Variants in GCKR observed in about 807,000 individuals in gnomAD.
GCKR encodes the protein glucokinase regulator.
A neutral mutation model predicts 82.9 loss-of-function variants in GCKR; 73 were observed. The ratio of observed to expected loss-of-function variants is 0.88; its 90% confidence interval spans 0.73 to 1.07. GCKR has a LOEUF of 1.07. Among genes scored for constraint, GCKR ranks in the 50% least tolerant of loss-of-function variants. The pLI, the probability that GCKR is intolerant of heterozygous loss-of-function variation, is 0.00. For missense variants in GCKR, 784 were observed against 782.1 expected, an observed-to-expected ratio of 1.00 and a Z score of -0.03; for synonymous variants, 294 against 291.8, an observed-to-expected ratio of 1.01 and a Z score of -0.08.
At chr2:27,513,627 T>A (rs907455513) in intron 16 of GCKR, among the ~76,000 whole-genome samples, 1 of 151,928 alleles carries the variant, frequency 6.6e-6, no homozygotes, top group Admixed American at 6.5e-5. Context: ...GACTCATGAA[T>A]TTTTTGTTGT....
intron 9 of GCKR, among the ~76,000 whole-genome samples, chr2:27,504,843 T>C (rs1669673303): frequency 6.6e-6 from 1 of 151,704 alleles, no homozygotes; most frequent in African/African-American, 2.4e-5. Flanking sequence ...ACACACTCTC[T>C]GGTCTGGGTG....
Position 27,507,664 on chromosome 2 carries a change from ATCT to A in GCKR, c.1144-10_1144-8del, listed in dbSNP as rs773832806. The A allele has an allele frequency of 1.2e-4, 172 of 1,430,092 alleles. 1 individual carries two copies. The highest frequency in any genetic ancestry group is 1.6e-4 in the Non-Finnish European group (159 of 1,013,156). 88.6% of individuals were successfully genotyped at this position (1,430,092 alleles called of 1,614,324 possible). A position where few individuals can be genotyped will look rare whatever the true frequency, so the allele number is the denominator to read the frequency against. ...GTGTTTTCATGGGAGGGACCCTCCC[ATCT>A]TCTTCTGCCCCAGGGTCCCCAGTTC... On this transcript the variant is annotated splice_polypyrimidine_tract_variant and intron_variant, in intron 13 of 18. Coordinates refer to ENST00000264717, the MANE Select transcript of GCKR (RefSeq NM_001486.4).
At position 27,513,864 on chromosome 2, in the gene GCKR, G is replaced by C. The variant is rs1280622324; in HGVS notation, c.1423-4924G>C. Among the ~76,000 whole-genome samples the C allele has an allele frequency of 2.0e-5, 3 of 151,780 alleles. No individual in the cohort carries two copies. The East Asian group carries it at 5.8e-4, about 29-fold the overall frequency. On this transcript the variant is annotated intron_variant, in intron 16 of 18. Transcript: ENST00000264717. ...TTAAGATATTCTGAAAATCACTGCAGTGCAGTTTATAGATCTCTTCCTCAT... is the reference window on the plus strand; with the variant it reads ...TTAAGATATTCTGAAAATCACTGCACTGCAGTTTATAGATCTCTTCCTCAT...
At position 27,508,171 on chromosome 2, in the gene GCKR, C is replaced by T. The variant is rs867376847; in HGVS notation, c.1342C>T (p.Pro448Ser). The change falls in exon 16 of 19, where the codon CCT (proline) becomes TCT (serine). Residue 448 changes from proline to serine, a missense_variant. By Grantham distance (74) the Pro-to-Ser change is moderately conservative. Coordinates refer to ENST00000264717, the MANE Select transcript of GCKR (RefSeq NM_001486.4). ...HSTVGQTLLI[P>S]LKKLFPSIIS... ...GCTCCTCTTTCTCTCTCTCCAGATC[C>T]CTCTGAAGAAGCTCTTTCCCTCCAT... 6.2e-7 allele frequency: 1 copy of T among 1,607,018 alleles called. No individual in the cohort carries two copies. The highest frequency in any genetic ancestry group is 8.5e-7 in the Non-Finnish European group (1 of 1,173,550).
intron 4 of GCKR, 131 bp downstream of exon 4, chr2:27,498,454 T>A (rs1669478526): frequency 1.4e-6 from 1 of 717,912 alleles, no homozygotes; most frequent in Admixed American, 2.3e-5. Flanking sequence ...TGGCTCTTTC[T>A]CTCTTCCAAA....
At chr2:27,506,422 A>G in intron 10 of GCKR, 59 bp from the exon 11 acceptor site, 1 of 1,117,242 alleles carries the variant, frequency 9.0e-7, no homozygotes, top group South Asian at 1.2e-5. Context: ...TCAGGGAGGC[A>G]CCTAAGCTTT....
intron 17 of GCKR, among the ~76,000 whole-genome samples, chr2:27,521,531 C>T (rs1290145634): frequency 2.1e-5 from 3 of 141,520 alleles, no homozygotes; most frequent in Non-Finnish European, 3.0e-5. Context: ...TTAGTAGAGA[C>T]GGGATTTCAC....
At chr2:27,520,452 T>G (rs1670122939) in intron 17 of GCKR, among the ~76,000 whole-genome samples, 1 of 152,074 alleles carries the variant, frequency 6.6e-6, no homozygotes, top group South Asian at 2.1e-4. Context: ...GCAAGTCACT[T>G]TAGAGCGCAG....
At chr2:27,518,674 A>G in intron 16 of GCKR, 114 bp from the exon 17 acceptor site, 1 of 853,538 alleles carries the variant, frequency 1.2e-6, no homozygotes, top group Admixed American at 1.7e-5. Flanking sequence ...TCATGTTTGC[A>G]TTTTGGTCCC....
At position 27,523,286 on chromosome 2, in the gene GCKR, G is replaced by C. The variant is rs1191726391; in HGVS notation, c.1725G>C (p.Leu575Phe). Residue 575 changes from leucine to phenylalanine, a missense_variant, in exon 19 of 19, where the codon TTG (leucine) becomes TTC (phenylalanine). By Grantham distance (22) the Leu-to-Phe change is conservative. Coordinates refer to ENST00000264717, the MANE Select transcript of GCKR (RefSeq NM_001486.4). ...CCCCACAGGTGATACCCATCGCCTT[G>C]CTGAGCCTCCTATTCCGGTGCTCGA... is the stretch of plus-strand genomic sequence containing the variant. ...HEKEQVIPIA[L>F]LSLLFRCSIT... 1 of 1,612,766 alleles carries C rather than the reference G, an allele frequency of 6.2e-7. No homozygotes were observed. The highest frequency in any genetic ancestry group is 8.5e-7 in the Non-Finnish European group (1 of 1,179,860).
chr2:27,503,619 G>A lies in GCKR; in HGVS notation c.750G>A (p.Gly250=). ...CTTTTGTGCTCAATCCTGCCATCGG[G>A]GTAGGGCCTCTCCTTTTTCTATGTT... The part of the protein sequence containing the change: ...QKAFVLNPAI[G]PEGLSGSSRM... Residue 250 remains glycine (G), a splice_region_variant and synonymous_variant, in exon 9 of 19, where the codon GGG becomes GGA. Coordinates refer to ENST00000264717, the MANE Select transcript of GCKR (RefSeq NM_001486.4). The A allele has an allele frequency of 6.5e-7, 1 of 1,538,710 alleles. No individual in the cohort carries two copies. The highest frequency in any genetic ancestry group is 1.1e-5 in the South Asian group (1 of 89,580).
At chr2:27,497,850 CA>C (rs936418678) in intron 3 of GCKR, among the ~76,000 whole-genome samples, 3 of 152,310 alleles carry the variant, frequency 2.0e-5, no homozygotes, top group African/African-American at 4.8e-5. Context: ...ATTACCCTCA[CA>C]AAAGCCTGTG....
chr2:27,509,338 T>C (rs1669824424), intron 16 of GCKR, among the ~76,000 whole-genome samples: 2 of 152,078 alleles, frequency 1.3e-5, no homozygotes, highest in Admixed American at 6.6e-5. Flanking sequence ...TCCAATGTCT[T>C]TCATTCTTTT....
chr2:27,504,997 G>A (rs1409369459), intron 9 of GCKR, among the ~76,000 whole-genome samples: 5 of 151,738 alleles, frequency 3.3e-5, no homozygotes, highest in African/African-American at 9.7e-5. Context: ...GTGGTGGCAG[G>A]TGCCTGTAAT....
At chr2:27,519,890 GAGCATGGGGA>G (rs1670109099) in intron 17 of GCKR, among the ~76,000 whole-genome samples, 1 of 152,070 alleles carries the variant, frequency 6.6e-6, no homozygotes, top group African/African-American at 2.4e-5. Flanking sequence ...CTCATTACCT[GAGCATGGGGA>G]AGCGATAGAT....
rs370591964 is a variant in GCKR, at chr2:27,499,273, G to A, written c.495+65G>A. 13 of 1,382,214 alleles carry A rather than the reference G, an allele frequency of 9.4e-6. No homozygotes were observed. The African/African-American group carries it at 1.7e-4, about 18-fold the overall frequency. 85.6% of individuals were successfully genotyped at this position (1,382,214 alleles called of 1,614,324 possible). A position where few individuals can be genotyped will look rare whatever the true frequency, so the allele number is the denominator to read the frequency against. ...TGTTCCTTCTCATGGGGACATAAAA[G>A]CCCCAGCATTCAGCCAAAGCCTATT... On this transcript the variant is annotated intron_variant, in intron 6 of 18. Transcript: ENST00000264717.
At chr2:27,509,372 C>T (rs1457357680) in intron 16 of GCKR, among the ~76,000 whole-genome samples, 2 of 152,304 alleles carry the variant, frequency 1.3e-5, no homozygotes, top group East Asian at 3.9e-4. Flanking sequence ...CAAAGTCTCA[C>T]TCTGTGGCCC....
chr2:27,507,704 G>C lies in GCKR; in HGVS notation c.1167G>C (p.Gln389His). 1 of 1,606,644 alleles carries C rather than the reference G, an allele frequency of 6.2e-7. No individual in the cohort carries two copies. The highest frequency in any genetic ancestry group is 8.5e-7 in the Non-Finnish European group (1 of 1,173,572). Reference protein sequence around the residue: ...TNQGPQFTFSQEDFLTSILPS... With the variant: ...TNQGPQFTFSHEDFLTSILPS... ...AGGGTCCCCAGTTCACCTTCTCCCA[G>C]GAGGACTTCCTGACTTCCATCCTTC... The change falls in exon 14 of 19, where the codon CAG (glutamine) becomes CAC (histidine). Residue 389 changes from glutamine to histidine, a missense_variant. Coordinates refer to ENST00000264717, the MANE Select transcript of GCKR (RefSeq NM_001486.4).
chr2:27,515,768 T>A (rs1005312054), intron 16 of GCKR, among the ~76,000 whole-genome samples: 411 of 92,594 alleles, frequency 4.4e-3, no homozygotes, highest in African/African-American at 7.1e-3. Context: ...TATATATATT[T>A]TTTTTTTTTT....
Sources: gnomAD v4.1 joint callset for allele counts (sites outside exome capture counted in the v4.1 genomes callset) on GRCh38, gnomAD v4.1.1 for gene constraint, MANE v1.5 for transcripts, NCBI Gene and HGNC (gene_info 2026-07-23, HGNC 2026-07-21) for gene names.